SLC45A4: variants seen among roughly 807,000 people sequenced by gnomAD.
The protein encoded by SLC45A4 is solute carrier family 45 member 4.
SLC45A4 carries 32 observed loss-of-function variants against 63.7 expected under a neutral mutation model. That is an observed-to-expected ratio of 0.50 (90% CI 0.38 to 0.67). The LOEUF (loss-of-function observed/expected upper bound fraction) is 0.67, where lower values mean the gene tolerates loss of function less well. Among genes scored for constraint, SLC45A4 ranks in the 30% least tolerant of loss-of-function variants. The pLI, the probability that SLC45A4 is intolerant of heterozygous loss-of-function variation, is 0.00. For missense variants in SLC45A4, 1,027 were observed against 1,157.7 expected (o/e 0.89, Z 1.64); for synonymous variants, 535 against 510.0 (o/e 1.05, Z -0.66).
At chr8:141,291,129 C>T (rs767656281) in intron 1 of SLC45A4, among the ~76,000 whole-genome samples, 2 of 152,180 alleles carry the variant, frequency 1.3e-5, no homozygotes, top group Non-Finnish European at 2.9e-5. Context: ...GGGTGATCCA[C>T]CCACCTCAGC....
At chr8:141,302,614 G>A (rs1830783497) in intron 1 of SLC45A4, among the ~76,000 whole-genome samples, 1 of 152,214 alleles carries the variant, frequency 6.6e-6, no homozygotes, top group African/African-American at 2.4e-5. Flanking sequence ...TTACAGGCAT[G>A]AGCCACCGCG....
chr8:141,228,421 C>A, intron 2 of SLC45A4: 1 of 1,423,786 alleles, frequency 7.0e-7, no homozygotes, highest in South Asian at 1.4e-5. Context: ...AGAAAGCCAG[C>A]GGGAACATTC....
At chr8:141,220,210 C>T (rs765703769) in intron 3 of SLC45A4, among the ~76,000 whole-genome samples, 7 of 152,214 alleles carry the variant, frequency 4.6e-5, no homozygotes, top group African/African-American at 1.2e-4. Context: ...GTAGTGCAGA[C>T]GCCCACAGGG....
At chr8:141,261,097 G>T (rs988173693) in intron 1 of SLC45A4, among the ~76,000 whole-genome samples, 18 of 152,208 alleles carry the variant, frequency 1.2e-4, no homozygotes, top group African/African-American at 4.3e-4. Flanking sequence ...ATGTAATCCA[G>T]CGTATAAACA....
intron 1 of SLC45A4, among the ~76,000 whole-genome samples, chr8:141,280,081 G>A (rs1298253915): frequency 3.9e-5 from 6 of 152,200 alleles, no homozygotes; most frequent in Admixed American, 3.9e-4. Flanking sequence ...CGACTCCCCA[G>A]GCACCTCCTT....
intron 2 of SLC45A4, among the ~76,000 whole-genome samples, chr8:141,244,953 T>TGGGGGGGGGGGGGGGGGGGGGGG (rs1332452740): frequency 1.1e-4 from 3 of 27,754 alleles, no homozygotes; most frequent in African/African-American, 6.4e-4. Flanking sequence ...CAAGAAGACG[T>TGGGGGGGGGGGGGGGGGGGGGGG]GGGTGGGGGG....
At chr8:141,269,491 A>G (rs987231606) in intron 1 of SLC45A4, among the ~76,000 whole-genome samples, 2 of 141,474 alleles carry the variant, frequency 1.4e-5, no homozygotes, top group Middle Eastern at 3.9e-3. Flanking sequence ...TGTGTGTGTG[A>G]TGTCTGCCTG....
rs200337689 is a variant in SLC45A4 at position 141,299,745 on chromosome 8, G to C, written c.-401+8351C>G. Among the ~76,000 whole-genome samples the C allele has an allele frequency of 1.1e-4, 17 of 152,354 alleles. No individual in the cohort carries two copies. In the East Asian group the frequency reaches 2.9e-3, roughly 26 times the overall value. On this transcript the variant is annotated intron_variant, in intron 1 of 8. Coordinates refer to ENST00000517878, the MANE Select transcript of SLC45A4 (RefSeq NM_001286646.2). ...CCTCAGGTTAGGGCAGGAATTTCTA[G>C]AACCAGCTGGACTCTGCTGTACCTG...
Position 141,253,975 on chromosome 8 carries a change from G to A in SLC45A4, c.241+14C>T. On this transcript the variant is annotated intron_variant, in intron 2 of 8. Transcript: ENST00000517878. ...GCTCAGCGTTCACTGCGCACAGACGGGGAGGAGACTTACCAATCTGCAACA... is the reference window on the plus strand; with the variant it reads ...GCTCAGCGTTCACTGCGCACAGACGAGGAGGAGACTTACCAATCTGCAACA... 2 of 1,535,894 alleles carry A rather than the reference G, an allele frequency of 1.3e-6. No individual in the cohort carries two copies. The highest frequency in any genetic ancestry group is 2.0e-5 in the Admixed American group (1 of 51,002).
chr8:141,281,296 G>A (rs1469769323), intron 1 of SLC45A4, among the ~76,000 whole-genome samples: 1 of 152,124 alleles, frequency 6.6e-6, no homozygotes, highest in African/African-American at 2.4e-5. Context: ...CTGAGATCAC[G>A]CCACCGTACT....
At chr8:141,298,241 T>C (rs545407939) in intron 1 of SLC45A4, among the ~76,000 whole-genome samples, 3 of 152,406 alleles carry the variant, frequency 2.0e-5, no homozygotes, top group African/African-American at 7.2e-5. Flanking sequence ...CTTTTAGGCA[T>C]GTCTCAAAAC....
chr8:141,282,139 C>G (rs149521730), intron 1 of SLC45A4, among the ~76,000 whole-genome samples: 1 of 152,176 alleles, frequency 6.6e-6, no homozygotes, highest in Non-Finnish European at 1.5e-5. Flanking sequence ...CAGGCAGGCC[C>G]GGGTCTCAGG....
At chr8:141,264,195 G>A (rs1030132598) in intron 1 of SLC45A4, among the ~76,000 whole-genome samples, 1 of 152,312 alleles carries the variant, frequency 6.6e-6, no homozygotes, top group South Asian at 2.1e-4. Context: ...ATGTGGGTCC[G>A]TGTGAGGCCT....
chr8:141,221,695 G>C lies in SLC45A4; in HGVS notation c.312C>G (p.Leu104=). ...TGCACCGGTCACTCGCAGACCCAATGAGAGGTGTGAAGATGAGGCCAAGGA... is the reference window on the plus strand; with the variant it reads ...TGCACCGGTCACTCGCAGACCCAATCAGAGGTGTGAAGATGAGGCCAAGGA... The part of the protein sequence containing the change: ...SPILGLIFTP[L]IGSASDRCTL... The change falls in exon 3 of 9, where the codon CTC becomes CTG. Residue 104 remains leucine, a synonymous_variant. Transcript: ENST00000517878. 1 of 1,614,156 alleles carries C rather than the reference G, an allele frequency of 6.2e-7. No individual in the cohort carries two copies.
At chr8:141,234,483 C>G (rs1450648545) in intron 2 of SLC45A4, among the ~76,000 whole-genome samples, 1 of 152,224 alleles carries the variant, frequency 6.6e-6, no homozygotes, top group Non-Finnish European at 1.5e-5. Context: ...TGACATTTCC[C>G]TTTCCTGTTA....
rs1365571936 is a variant in SLC45A4 at position 141,215,589 on chromosome 8, G to C, written c.1941+170C>G. ...CCCTTTGTGGCCAGGGACCGATCAG[G>C]GGCAGGTGGTGGCTCTGTGGGCTTT... On this transcript the variant is annotated intron_variant, in intron 7 of 8. Transcript: ENST00000517878. The surrounding 1 kb of genome is among the most constrained non-coding windows in gnomAD (Gnocchi z 4.3). Among the ~76,000 whole-genome samples the C allele has an allele frequency of 6.6e-6, 1 of 152,174 alleles. No homozygotes were observed. The highest frequency in any genetic ancestry group is 1.5e-5 in the Non-Finnish European group (1 of 68,030).
chr8:141,234,834 C>T (rs1022547885), intron 2 of SLC45A4, among the ~76,000 whole-genome samples: 6 of 152,188 alleles, frequency 3.9e-5, no homozygotes, highest in Non-Finnish European at 7.4e-5. Flanking sequence ...CCCAGCACAG[C>T]CAGGCTCCAG....
At chr8:141,299,642 C>A (rs116607131) in intron 1 of SLC45A4, among the ~76,000 whole-genome samples, 118 of 152,306 alleles carry the variant, frequency 7.7e-4, no homozygotes, top group African/African-American at 2.7e-3. Context: ...TGCCGTTTTA[C>A]GTAAGCAACA....
At chr8:141,307,097 C>T (rs931400544) in intron 1 of SLC45A4, among the ~76,000 whole-genome samples, 1 of 152,194 alleles carries the variant, frequency 6.6e-6, no homozygotes, top group African/African-American at 2.4e-5. Context: ...CCTTCCCAGC[C>T]CTCCCTAGCC....
Sources: allele counts gnomAD v4.1 joint callset (sites outside exome capture counted in the v4.1 genomes callset), GRCh38; gene constraint gnomAD v4.1.1; non-coding constraint Gnocchi (gnomAD v3.1); transcripts MANE v1.5; gene names NCBI Gene and HGNC (gene_info 2026-07-23, HGNC 2026-07-21).